The following CACNA2D3 variants were observed in gnomAD, a reference collection of about 807,000 sequenced individuals.
CACNA2D3 encodes the protein voltage-dependent calcium channel subunit alpha-2/delta-3.
Under a neutral mutation model 160.6 loss-of-function variants are expected in CACNA2D3, and 60 were observed. The ratio of observed to expected loss-of-function variants is 0.37; its 90% CI spans 0.30 to 0.46. CACNA2D3 has a LOEUF of 0.46. CACNA2D3 is among the 20% of genes least tolerant of loss of function. The pLI is 1.00. For synonymous variants in CACNA2D3, 558 were observed against 492.9 expected (o/e 1.13, Z -1.75); for missense variants, 1,205 against 1,365.0 (o/e 0.88, Z 1.85).
At chr3:54,818,187 ATTTGT>A (rs1417597316) in intron 14 of CACNA2D3, among the ~76,000 whole-genome samples, 1 of 152,100 alleles carries the variant, frequency 6.6e-6, no homozygotes, top group Non-Finnish European at 1.5e-5. Context: ...AGCCGTAGAA[ATTTGT>A]TTTATTTTAT....
At chr3:54,413,418 A>C (rs918804475) in intron 4 of CACNA2D3, among the ~76,000 whole-genome samples, 3 of 110,640 alleles carry the variant, frequency 2.7e-5, no homozygotes, top group Middle Eastern at 5.0e-3. Context: ...CTATATATAT[A>C]GATATCTATA....
At chr3:54,540,674 AACAAGCAAGAGAG>A in intron 5 of CACNA2D3, among the ~76,000 whole-genome samples, 1 of 152,096 alleles carries the variant, frequency 6.6e-6, no homozygotes, top group Non-Finnish European at 1.5e-5. Flanking sequence ...GATGGCAGTA[AACAAGCAAGAGAG>A]GAAGCGAGCT....
chr3:54,508,438 C>A (rs979285369), intron 5 of CACNA2D3, among the ~76,000 whole-genome samples: 7 of 152,144 alleles, frequency 4.6e-5, no homozygotes, highest in Non-Finnish European at 1.0e-4. Context: ...GGCCTGGGGC[C>A]CTAGAGAGCA....
chr3:55,036,773 A>T (rs1285252327), intron 35 of CACNA2D3, among the ~76,000 whole-genome samples: 1 of 152,118 alleles, frequency 6.6e-6, no homozygotes, highest in African/African-American at 2.4e-5. Context: ...GCCGTGTTTT[A>T]TTTTTAAGAC....
intron 4 of CACNA2D3, among the ~76,000 whole-genome samples, chr3:54,455,326 C>T (rs1700378316): frequency 2.0e-5 from 3 of 152,116 alleles, no homozygotes; most frequent in South Asian, 4.2e-4. Context: ...TTTGTATTTT[C>T]CTGTTGATTA....
chr3:54,832,435 A>C (rs1703901659), intron 14 of CACNA2D3, among the ~76,000 whole-genome samples: 1 of 152,208 alleles, frequency 6.6e-6, no homozygotes, highest in African/African-American at 2.4e-5. Flanking sequence ...TACCTGCAGA[A>C]GAAGGAAAAG....
intron 13 of CACNA2D3, among the ~76,000 whole-genome samples, chr3:54,769,961 G>C (rs978392725): frequency 6.6e-6 from 1 of 152,110 alleles, no homozygotes. Context: ...GGATTGTGCC[G>C]CACTAGCCAG....
At chr3:54,741,162 A>G (rs1344160388) in intron 11 of CACNA2D3, among the ~76,000 whole-genome samples, 1 of 152,108 alleles carries the variant, frequency 6.6e-6, no homozygotes, top group Admixed American at 6.5e-5. Flanking sequence ...GCGGGAAGGG[A>G]GAGCATTAAA....
intron 2 of CACNA2D3, among the ~76,000 whole-genome samples, chr3:54,231,737 T>C (rs2107393426): frequency 6.6e-6 from 1 of 152,368 alleles, no homozygotes; most frequent in East Asian, 1.9e-4. Flanking sequence ...TTTTCACAAG[T>C]ATTATAATAA....
intron 4 of CACNA2D3, among the ~76,000 whole-genome samples, chr3:54,445,555 T>TATACAC (rs1491119916): frequency 6.8e-6 from 1 of 147,112 alleles, no homozygotes; most frequent in African/African-American, 2.5e-5. Flanking sequence ...TTTCTATGTA[T>TATACAC]ACACACACAC....
rs550730002 is a variant in CACNA2D3, at chr3:54,222,196, A to C, written c.205-98246A>C. 3.9e-5 allele frequency among the ~76,000 whole-genome samples: 6 copies of C among 152,350 alleles called. No homozygotes were observed. In the East Asian group the frequency reaches 9.6e-4, roughly 24 times the overall value. On this transcript the variant is annotated intron_variant, in intron 2 of 37. Transcript: ENST00000474759. ...CAATTACGGAGGCTGACAAGTTTCAAGATCTGCAGTAAGCAAGCTGGGGAT... is the reference window on the plus strand; with the variant it reads ...CAATTACGGAGGCTGACAAGTTTCACGATCTGCAGTAAGCAAGCTGGGGAT...
chr3:54,408,623 C>T (rs1699615673), intron 4 of CACNA2D3, among the ~76,000 whole-genome samples: 1 of 152,142 alleles, frequency 6.6e-6, no homozygotes, highest in East Asian at 1.9e-4. Context: ...ACCTACTGTT[C>T]TGCCATTGCC....
At chr3:54,327,806 GT>G (rs1704149320) in intron 3 of CACNA2D3, among the ~76,000 whole-genome samples, 1 of 151,412 alleles carries the variant, frequency 6.6e-6, no homozygotes, top group African/African-American at 2.4e-5. Context: ...TTTTTTTTCT[GT>G]TTGTGCATGA....
At chr3:54,750,264 T>C (rs1049556310) in intron 11 of CACNA2D3, among the ~76,000 whole-genome samples, 2 of 152,210 alleles carry the variant, frequency 1.3e-5, no homozygotes, top group African/African-American at 4.8e-5. Flanking sequence ...TTGTTTTGTG[T>C]TGGGTCTTTG....
intron 12 of CACNA2D3, among the ~76,000 whole-genome samples, chr3:54,758,751 T>C (rs547441001): frequency 1.7e-4 from 26 of 152,248 alleles, no homozygotes; most frequent in African/African-American, 4.8e-4. Flanking sequence ...TGGAGACTGA[T>C]ATTTTGGTGC....
intron 2 of CACNA2D3, among the ~76,000 whole-genome samples, chr3:54,135,385 G>A (rs2107259499): frequency 6.6e-6 from 1 of 152,344 alleles, no homozygotes; most frequent in African/African-American, 2.4e-5. Flanking sequence ...TGGCCATCAA[G>A]TGAGTTTGGG....
At chr3:54,653,917 C>A (rs1699825140) in intron 11 of CACNA2D3, among the ~76,000 whole-genome samples, 1 of 152,090 alleles carries the variant, frequency 6.6e-6, no homozygotes, top group South Asian at 2.1e-4. Context: ...ATCTAGGTAG[C>A]CACTCTTAAG....
chr3:54,690,866 T>A (rs183043664), intron 11 of CACNA2D3, among the ~76,000 whole-genome samples: 19 of 152,330 alleles, frequency 1.2e-4, no homozygotes, highest in Admixed American at 1.2e-3. Context: ...TAGGCTAGTC[T>A]TCTGGGAAAG....
At chr3:54,301,294 A>AAACC (rs1491303902) in intron 2 of CACNA2D3, among the ~76,000 whole-genome samples, 1 of 138,138 alleles carries the variant, frequency 7.2e-6, no homozygotes, top group Non-Finnish European at 1.6e-5. Flanking sequence ...ACAAACAAAC[A>AAACC]AAAGACAGAA....
Sources: gnomAD v4.1 joint callset for allele counts (sites outside exome capture counted in the v4.1 genomes callset) on GRCh38, gnomAD v4.1.1 for gene constraint, MANE v1.5 for transcripts, NCBI Gene and HGNC (gene_info 2026-07-23, HGNC 2026-07-21) for gene names.